SSUH2: variants seen among roughly 807,000 people sequenced by gnomAD.
The protein encoded by SSUH2 is protein SSUH2 homolog.
Under a neutral mutation model 55.3 loss-of-function variants are expected in SSUH2, and 47 were observed. That is an observed-to-expected ratio of 0.85 (90% CI 0.67 to 1.08). The LOEUF (loss-of-function observed/expected upper bound fraction) is 1.08, where lower values mean the gene tolerates loss of function less well. Among genes scored for constraint, SSUH2 ranks in the 50% least tolerant of loss-of-function variants. The pLI, the probability that SSUH2 is intolerant of heterozygous loss-of-function variation, is 0.00. For missense variants in SSUH2, 535 were observed against 490.7 expected (o/e 1.09, Z -0.85); for synonymous variants, 212 against 191.5 (o/e 1.11, Z -0.89).
At chr3:8,646,306 C>A (rs1239006169), upstream of SSUH2, among the ~76,000 whole-genome samples, 1 of 152,132 alleles carries the variant, frequency 6.6e-6, no homozygotes, top group African/African-American at 2.4e-5. Flanking sequence ...AAACAATATA[C>A]CACTATTACA....
chr3:8,622,003 C>G (rs75073117), intron 11 of SSUH2, among the ~76,000 whole-genome samples: 146 of 151,886 alleles, frequency 9.6e-4, no homozygotes, highest in Middle Eastern at 3.4e-3. Context: ...ACAAATTGCT[C>G]AAGACATCAA....
chr3:8,640,642 C>CAAGGAGAACAGAAAGAAAGAAGG (rs1700667782), intron 1 of SSUH2, among the ~76,000 whole-genome samples: 1 of 151,842 alleles, frequency 6.6e-6, no homozygotes, highest in Admixed American at 6.6e-5. Flanking sequence ...AGGAAAGAGA[C>CAAGGAGAACAGAAAGAAAGAAGG]AAGGAGAACA....
chr3:8,680,931 ACT>A (rs567716484), intron 1 of SSUH2, among the ~76,000 whole-genome samples: 49 of 151,996 alleles, frequency 3.2e-4, no homozygotes, highest in Admixed American at 9.2e-4. Flanking sequence ...CTGGGTGAAC[ACT>A]GCCTGTGATG....
intron 6 of SSUH2, among the ~76,000 whole-genome samples, chr3:8,661,993 C>T (rs751397136): frequency 4.6e-5 from 7 of 152,182 alleles, no homozygotes; most frequent in African/African-American, 7.2e-5. Flanking sequence ...CCATGTAAAA[C>T]GTGCCTTTTG....
chr3:8,637,818 C>T (rs74376144), intron 1 of SSUH2, among the ~76,000 whole-genome samples: 2,125 of 150,874 alleles, frequency 0.014, 51 homozygotes, highest in African/African-American at 0.049. Context: ...AGCTGAACTG[C>T]CCCATCTCCT....
intron 3 of SSUH2, chr3:8,634,650 G>A: frequency 1.6e-6 from 2 of 1,217,308 alleles, no homozygotes; most frequent in South Asian, 1.3e-5. Flanking sequence ...TTCTTCCTAA[G>A]CATGGAAAGT....
At chr3:8,645,989 T>C (rs375915691), upstream of SSUH2, among the ~76,000 whole-genome samples, 24 of 152,332 alleles carry the variant, frequency 1.6e-4, no homozygotes, top group East Asian at 3.5e-3. Context: ...GGATTTCTGA[T>C]ACTTGAGAGT....
At chr3:8,672,325 CT>C (rs1226591342) in intron 3 of SSUH2, among the ~76,000 whole-genome samples, 1 of 151,938 alleles carries the variant, frequency 6.6e-6, no homozygotes, top group Non-Finnish European at 1.5e-5. Flanking sequence ...GAATATTATC[CT>C]CCCCCGCCCT....
chr3:8,651,447 T>A (rs1702396050), intron 7 of SSUH2, among the ~76,000 whole-genome samples: 1 of 152,138 alleles, frequency 6.6e-6, no homozygotes, highest in African/African-American at 2.4e-5. Flanking sequence ...CACATGGCAG[T>A]GAGTAGCAGA....
At chr3:8,662,641 C>G (rs184971994) in intron 6 of SSUH2, among the ~76,000 whole-genome samples, 137 of 152,312 alleles carry the variant, frequency 9.0e-4, no homozygotes, top group Non-Finnish European at 1.4e-3. Context: ...GCACCTAGAC[C>G]AGAAAAGCCT....
chr3:8,670,423 C>T (rs1324274959), intron 5 of SSUH2, among the ~76,000 whole-genome samples: 1 of 152,006 alleles, frequency 6.6e-6, no homozygotes, highest in South Asian at 2.1e-4. Flanking sequence ...GAGTAACATT[C>T]CCCTTGGATA....
At chr3:8,628,005 A>G (rs896635921) in intron 7 of SSUH2, among the ~76,000 whole-genome samples, 16 of 152,186 alleles carry the variant, frequency 1.1e-4, no homozygotes, top group African/African-American at 3.1e-4. Flanking sequence ...CTTTTGAGAC[A>G]TCAGCCTCTC....
At chr3:8,656,135 C>T (rs1370271838) in intron 7 of SSUH2, among the ~76,000 whole-genome samples, 2 of 152,228 alleles carry the variant, frequency 1.3e-5, no homozygotes, top group South Asian at 2.1e-4. Context: ...AAGAGAGAGA[C>T]CAGGTTTGTG....
chr3:8,676,213 C>G (rs1394610189), intron 3 of SSUH2, among the ~76,000 whole-genome samples: 1 of 151,912 alleles, frequency 6.6e-6, no homozygotes, highest in African/African-American at 2.4e-5. Context: ...GGTGTACACA[C>G]TCGGTGTACA....
chr3:8,654,264 C>T lies in SSUH2; in HGVS notation c.-307+4661G>A, dbSNP rs142256689. Among the ~76,000 whole-genome samples, 94 of 152,298 alleles carry T rather than the reference C, an allele frequency of 6.2e-4. 1 individual carries two copies. The East Asian group carries it at 0.013, about 21-fold the overall frequency. Reference sequence around the variant, plus strand: ...CCCCACCCTCACGACCTCATCTAAACCTAATTACGTCCTAAAGACTCCATC... The same window carrying T: ...CCCCACCCTCACGACCTCATCTAAATCTAATTACGTCCTAAAGACTCCATC... On this transcript the variant is annotated intron_variant, in intron 7 of 18. Coordinates refer to the SSUH2 transcript ENST00000317371.
upstream of SSUH2, among the ~76,000 whole-genome samples, chr3:8,646,537 T>A (rs1701701554): frequency 6.6e-6 from 1 of 152,240 alleles, no homozygotes; most frequent in African/African-American, 2.4e-5. Context: ...ACAGTCCTTT[T>A]CTGCACGCTA....
chr3:8,619,914 G>A lies in SSUH2; in HGVS notation c.1082C>T (p.Ala361Val), dbSNP rs760015070. The A allele has an allele frequency of 1.5e-5, 25 of 1,614,018 alleles. No individual in the cohort carries two copies. The highest frequency in any genetic ancestry group is 3.3e-5 in the Admixed American group (2 of 60,000). ...YIYGTDHQVY[A>V]VDYPERYCCG... is the part of the protein sequence containing the mutation. ...GCAATACCGCTCAGGATAGTCCACC[G>A]CATACACCTGGTGGTCAGTGCCATA... The change falls in exon 12 of 12, where the codon GCG becomes GTG. Residue 361 changes from alanine (A) to valine (V), a missense_variant. Coordinates refer to ENST00000544814, the MANE Select transcript of SSUH2 (RefSeq NM_001256748.3).
At chr3:8,635,165 A>T in intron 3 of SSUH2, 135 bp downstream of exon 3, 1 of 663,206 alleles carries the variant, frequency 1.5e-6, no homozygotes, top group Non-Finnish European at 2.5e-6. Context: ...CCATCCCTGG[A>T]GGATCTGGTG....
At chr3:8,652,097 G>A (rs1702478616) in intron 7 of SSUH2, 1 of 152,388 alleles carries the variant, frequency 6.6e-6, no homozygotes, top group South Asian at 2.1e-4. Context: ...CCAGGAAACG[G>A]TGGAGGTCAA....
Sources: gnomAD v4.1 joint callset for allele counts (sites outside exome capture counted in the v4.1 genomes callset) on GRCh38, gnomAD v4.1.1 for gene constraint, MANE v1.5 for transcripts, NCBI Gene and HGNC (gene_info 2026-07-23, HGNC 2026-07-21) for gene names.